The following ASPRV1 variants were observed in gnomAD, a reference collection of about 807,000 sequenced individuals.
ASPRV1 encodes aspartic peptidase retroviral like 1.
In ASPRV1, 7 loss-of-function variants were observed where a neutral mutation model predicts 11.0. That is an observed-to-expected ratio of 0.64 (90% CI 0.36 to 1.20). The LOEUF (loss-of-function observed/expected upper bound fraction) is 1.20, where lower values mean the gene tolerates loss of function less well. Among genes scored for constraint, ASPRV1 ranks in the 50% most tolerant of loss-of-function variants. The pLI, the probability that ASPRV1 is intolerant of heterozygous loss-of-function variation, is 0.02. For missense variants in ASPRV1, 299 were observed against 320.0 expected, an observed-to-expected ratio of 0.93 and a Z score of 0.50; for synonymous variants, 136 against 138.4, an observed-to-expected ratio of 0.98 and a Z score of 0.12.
the ASPRV1 span, among the ~76,000 whole-genome samples, chr2:70,008,266 T>C: frequency 1.8e-4 from 28 of 152,334 alleles, no homozygotes; most frequent in South Asian, 4.1e-4. Flanking sequence ...ATGAGTAATA[T>C]AATACAAGCC....
chr2:70,082,143 T>TTGTG, the ASPRV1 span, among the ~76,000 whole-genome samples: 4 of 151,216 alleles, frequency 2.6e-5, no homozygotes, highest in Non-Finnish European at 4.4e-5. Context: ...CCCAGCTAAT[T>TTGTG]TGTGTGTGTG....
At chr2:69,945,111 G>A in the ASPRV1 span, among the ~76,000 whole-genome samples, 88 of 152,214 alleles carry the variant, frequency 5.8e-4, 1 homozygote, top group South Asian at 0.017. Flanking sequence ...TAAAGGACAC[G>A]TAGGCCTGTC....
At chr2:70,056,883 C>T in the ASPRV1 span, among the ~76,000 whole-genome samples, 2 of 151,610 alleles carry the variant, frequency 1.3e-5, no homozygotes, top group African/African-American at 2.4e-5. Flanking sequence ...TACAGGCGTG[C>T]GCCACCTCAC....
At chr2:70,087,242 A>C in the ASPRV1 span, 1 of 152,192 alleles carries the variant, frequency 6.6e-6, no homozygotes, top group South Asian at 2.1e-4. Context: ...GTTAGAGTTA[A>C]TAAAATACGT....
At chr2:70,014,243 G>A in the ASPRV1 span, among the ~76,000 whole-genome samples, 1 of 152,008 alleles carries the variant, frequency 6.6e-6, no homozygotes, top group South Asian at 2.1e-4. Flanking sequence ...ACAGAATGGG[G>A]GAAAATATTT....
At chr2:70,064,639 GGA>G in the ASPRV1 span, among the ~76,000 whole-genome samples, 3 of 152,190 alleles carry the variant, frequency 2.0e-5, no homozygotes, top group Non-Finnish European at 2.9e-5. Context: ...GTCATGAGCT[GGA>G]GGATGGGAAG....
the ASPRV1 span, chr2:70,048,745 C>G: frequency 6.6e-6 from 1 of 152,360 alleles, no homozygotes; most frequent in Non-Finnish European, 1.5e-5. Context: ...AGTTTGAAAT[C>G]CAGGTGTCAG....
At chr2:69,977,102 G>A in the ASPRV1 span, among the ~76,000 whole-genome samples, 2 of 151,980 alleles carry the variant, frequency 1.3e-5, no homozygotes, top group African/African-American at 4.8e-5. Context: ...TGAGGCAGGA[G>A]AATCACTTGA....
At chr2:70,079,018 G>C in the ASPRV1 span, among the ~76,000 whole-genome samples, 1 of 152,120 alleles carries the variant, frequency 6.6e-6, no homozygotes, top group Non-Finnish European at 1.5e-5. Flanking sequence ...TGAAAAAACA[G>C]ATTTAAGGGA....
chr2:70,003,383 G>C, the ASPRV1 span: 1 of 152,264 alleles, frequency 6.6e-6, no homozygotes, highest in African/African-American at 2.4e-5. Context: ...TAAGCACGTA[G>C]AACACTGCCC....
chr2:69,991,448 C>A, the ASPRV1 span, among the ~76,000 whole-genome samples: 2 of 152,208 alleles, frequency 1.3e-5, no homozygotes, highest in East Asian at 3.8e-4. Context: ...TCCACCCTGA[C>A]AAGACTACTT....
chr2:70,050,407 C>T, the ASPRV1 span: 8 of 152,124 alleles, frequency 5.3e-5, no homozygotes, highest in African/African-American at 1.2e-4. Context: ...ACACACAGTA[C>T]TCAAAAAGAA....
chr2:69,962,028 A>G (rs1398064830), upstream of ASPRV1: 2 of 263,802 alleles, frequency 7.6e-6, no homozygotes, highest in South Asian at 1.0e-4. Context: ...TTGAGTGGTC[A>G]AAGGAAAACA....
the ASPRV1 span, chr2:69,938,316 G>T: frequency 2.5e-6 from 4 of 1,607,906 alleles, no homozygotes; most frequent in Non-Finnish European, 3.4e-6. Flanking sequence ...CTCCTTGAAG[G>T]TTCTCCCTGT....
chr2:69,962,626 G>A (rs1678164849), upstream of ASPRV1: 1 of 154,676 alleles, frequency 6.5e-6, no homozygotes, highest in South Asian at 2.0e-4. Context: ...GAGGACATCT[G>A]TGAGTCCAAG....
At chr2:69,938,298 G>A in the ASPRV1 span, 2 of 1,612,722 alleles carry the variant, frequency 1.2e-6, no homozygotes, top group Admixed American at 1.7e-5. Context: ...AGTGGGCACT[G>A]CGGCTGTCTC....
At chr2:69,954,273 G>C in the ASPRV1 span, among the ~76,000 whole-genome samples, 1 of 152,178 alleles carries the variant, frequency 6.6e-6, no homozygotes, top group Admixed American at 6.5e-5. Flanking sequence ...CTTGCTGGCT[G>C]TGTCTGAATA....
the ASPRV1 span, among the ~76,000 whole-genome samples, chr2:69,975,094 C>G: frequency 6.6e-6 from 1 of 152,188 alleles, no homozygotes; most frequent in South Asian, 2.1e-4. Flanking sequence ...GATTCTCAGG[C>G]AGGAGGAAGG....
chr2:70,014,385 T>C, the ASPRV1 span, among the ~76,000 whole-genome samples: 2 of 151,848 alleles, frequency 1.3e-5, no homozygotes, highest in African/African-American at 4.8e-5. Context: ...CCAAAGAAGA[T>C]ATACAAGCAC....
Sources: gnomAD v4.1 joint callset for allele counts (sites outside exome capture counted in the v4.1 genomes callset) on GRCh38, gnomAD v4.1.1 for gene constraint, MANE v1.5 for transcripts, NCBI Gene and HGNC (gene_info 2026-07-23, HGNC 2026-07-21) for gene names.